The following DMD variants were observed in gnomAD, a reference collection of about 807,000 sequenced individuals.
The protein encoded by DMD is dystrophin.
A neutral mutation model predicts 330.1 loss-of-function variants in DMD; 63 were observed. That is an observed-to-expected ratio of 0.19 (90% CI 0.16 to 0.24). The LOEUF is 0.24. Ranked by LOEUF, DMD falls within the 10% of genes least tolerant of loss-of-function variation. The pLI is 1.00. For missense variants in DMD, 3,344 were observed against 2,684.1 expected, an observed-to-expected ratio of 1.25 and a Z score of -5.43; for synonymous variants, 1,223 against 959.8, an observed-to-expected ratio of 1.27 and a Z score of -5.07.
At chrX:32,571,259 G>A (rs1398319558) in intron 15 of DMD, among the ~76,000 whole-genome samples, 8 of 111,980 alleles carry the variant, frequency 7.1e-5, no homozygotes, top group African/African-American at 1.9e-4. Flanking sequence ...CATTTTGCCT[G>A]AGAAGAACAA....
At chrX:32,034,809 C>T (rs1451449834) in intron 44 of DMD, among the ~76,000 whole-genome samples, 5 of 111,411 alleles carry the variant, frequency 4.5e-5, no homozygotes, top group East Asian at 2.8e-4. Flanking sequence ...AAGATATGTA[C>T]GCTATTTTCA....
At chrX:32,879,320 AAG>A (rs1427167223) in intron 2 of DMD, among the ~76,000 whole-genome samples, 13 of 111,699 alleles carry the variant, frequency 1.2e-4, no homozygotes, top group African/African-American at 4.2e-4. Context: ...TGGAGGAAGA[AAG>A]AGTCACCATT....
chrX:32,109,887 T>A (rs1375821728), intron 44 of DMD, among the ~76,000 whole-genome samples: 1 of 111,700 alleles, frequency 9.0e-6, no homozygotes, highest in Non-Finnish European at 1.9e-5. Context: ...ATATTTTTTT[T>A]ATCCTAAATG....
chrX:32,884,701 T>C (rs996576756), intron 2 of DMD, among the ~76,000 whole-genome samples: 7 of 111,715 alleles, frequency 6.3e-5, no homozygotes, highest in Non-Finnish European at 9.4e-5. Context: ...TCATTTCATA[T>C]ACTCATTCCC....
intron 47 of DMD, among the ~76,000 whole-genome samples, chrX:31,904,385 C>T (rs1305964471): frequency 1.8e-5 from 2 of 111,254 alleles, no homozygotes; most frequent in Non-Finnish European, 3.8e-5. Context: ...GTATTTGAGT[C>T]CTTTAATAAT....
intron 1 of DMD, among the ~76,000 whole-genome samples, chrX:33,144,619 C>T (rs966167266): frequency 9.0e-6 from 1 of 111,434 alleles, no homozygotes; most frequent in Non-Finnish European, 1.9e-5. Flanking sequence ...CAAAGGATGA[C>T]GTAGCTTGAT....
intron 21 of DMD, among the ~76,000 whole-genome samples, chrX:32,483,102 C>A (rs1428581044): frequency 4.4e-5 from 4 of 90,290 alleles, no homozygotes; most frequent in African/African-American, 1.5e-4. Context: ...TTCAAATTAA[C>A]AAAATCAACT....
At chrX:32,667,067 A>G (rs1328840552) in intron 9 of DMD, among the ~76,000 whole-genome samples, 4 of 111,569 alleles carry the variant, frequency 3.6e-5, no homozygotes, top group African/African-American at 1.3e-4. Flanking sequence ...GCATATATGC[A>G]ATTGAATATT....
intron 44 of DMD, among the ~76,000 whole-genome samples, chrX:32,198,295 C>T (rs961561645): frequency 1.5e-4 from 17 of 111,227 alleles, no homozygotes; most frequent in Non-Finnish European, 2.6e-4. Flanking sequence ...GAAAAATTAT[C>T]CAAAACTTAG....
intron 44 of DMD, among the ~76,000 whole-genome samples, chrX:32,117,265 TG>T (rs2096614872): frequency 9.1e-6 from 1 of 110,317 alleles, no homozygotes; most frequent in African/African-American, 3.3e-5. Flanking sequence ...CACTCCTAGT[TG>T]GGAGTCATCA....
At position 32,205,143 on chromosome X, in the gene DMD, G is replaced by A. The variant is rs377488148; in HGVS notation, c.6438+11773C>T. On this transcript the variant is annotated intron_variant, in intron 44 of 78. Coordinates refer to ENST00000357033, the MANE Select transcript of DMD (RefSeq NM_004006.3). ...TTTGTTTCACTAAAAATCAAAGGCCGGTGTTGATCCACAAACTGAGTTTAT... is the reference window on the plus strand; with the variant it reads ...TTTGTTTCACTAAAAATCAAAGGCCAGTGTTGATCCACAAACTGAGTTTAT... Among the ~76,000 whole-genome samples, 18 of 98,029 alleles carry A rather than the reference G, an allele frequency of 1.8e-4. No homozygotes were observed. In the East Asian group the frequency reaches 2.2e-3, roughly 12 times the overall value. The allele number at this position is 98,029 out of a possible 115,157, so 85.1% of individuals were successfully genotyped here.
intron 43 of DMD, among the ~76,000 whole-genome samples, chrX:32,240,564 A>G (rs1310760934): frequency 8.9e-6 from 1 of 111,758 alleles, no homozygotes; most frequent in Non-Finnish European, 1.9e-5. Flanking sequence ...TAGCAATAAA[A>G]CTTGACTAAA....
At chrX:32,710,432 A>G (rs1360589252) in intron 7 of DMD, among the ~76,000 whole-genome samples, 1 of 111,334 alleles carries the variant, frequency 9.0e-6, no homozygotes, top group African/African-American at 3.3e-5. Flanking sequence ...AAACTGTATC[A>G]GATTATTTTT....
chrX:31,888,305 G>A (rs2094184904), intron 47 of DMD, among the ~76,000 whole-genome samples: 1 of 111,362 alleles, frequency 9.0e-6, no homozygotes, highest in South Asian at 3.8e-4. Flanking sequence ...TAGCTATTTT[G>A]TTCCAGCCGC....
At chrX:32,138,378 C>T (rs2096737365) in intron 44 of DMD, among the ~76,000 whole-genome samples, 1 of 111,290 alleles carries the variant, frequency 9.0e-6, no homozygotes, top group African/African-American at 3.3e-5. Flanking sequence ...TTCATGAATT[C>T]ACCTGTCAAA....
intron 1 of DMD, among the ~76,000 whole-genome samples, chrX:33,077,674 A>T (rs1215753094): frequency 8.9e-6 from 1 of 111,947 alleles, no homozygotes; most frequent in African/African-American, 3.3e-5. Flanking sequence ...TGTTTATGTG[A>T]ATAGCCTACT....
chrX:32,515,438 C>G (rs2045762832), intron 18 of DMD, among the ~76,000 whole-genome samples: 1 of 110,909 alleles, frequency 9.0e-6, no homozygotes, highest in Admixed American at 9.6e-5. Context: ...AGGAAGAGCC[C>G]AAAGCCAGAT....
intron 44 of DMD, among the ~76,000 whole-genome samples, chrX:32,205,012 C>CAG (rs2097059798): frequency 1.5e-5 from 1 of 67,483 alleles, no homozygotes; most frequent in Non-Finnish European, 2.9e-5. Flanking sequence ...CTCTCACATA[C>CAG]ACACACACAC....
chrX:32,860,474 G>T (rs910463936), intron 2 of DMD, among the ~76,000 whole-genome samples: 5 of 111,642 alleles, frequency 4.5e-5, no homozygotes, highest in African/African-American at 1.6e-4. Context: ...ATACCACAAA[G>T]AATTGCAAAA....
Sources: gnomAD v4.1 joint callset for allele counts (sites outside exome capture counted in the v4.1 genomes callset) on GRCh38, gnomAD v4.1.1 for gene constraint, MANE v1.5 for transcripts, NCBI Gene and HGNC (gene_info 2026-07-23, HGNC 2026-07-21) for gene names.